LINGO1: variants seen among roughly 807,000 people sequenced by gnomAD.
LINGO1 encodes leucine rich repeat and Ig domain containing 1, also known as leucine-rich repeat and immunoglobulin-like domain-containing nogo receptor-interacting protein 1.
LINGO1 carries 11 observed loss-of-function variants against 37.3 expected under a neutral mutation model. That is an observed-to-expected ratio of 0.29 (90% CI 0.19 to 0.49). The LOEUF is 0.49. Ranked by LOEUF, LINGO1 falls within the 20% of genes least tolerant of loss-of-function variation. The pLI is 0.99. For missense variants in LINGO1, 585 were observed against 878.2 expected (o/e 0.67, Z 4.22); for synonymous variants, 387 against 403.0 (o/e 0.96, Z 0.48).
At chr15:77,703,120 C>T (rs776025162) in intron 2 of LINGO1, among the ~76,000 whole-genome samples, 7 of 152,190 alleles carry the variant, frequency 4.6e-5, no homozygotes, top group African/African-American at 9.7e-5. Context: ...CTCGCAGGCT[C>T]GCAGATAAGC....
intron 1 of LINGO1, chr15:77,696,129 A>G (rs956334621): frequency 2.6e-5 from 4 of 152,298 alleles, no homozygotes; most frequent in African/African-American, 9.6e-5. Flanking sequence ...ATATCTCTGT[A>G]TAATGGGGAA....
At chr15:77,646,595 C>A (rs371953984) in intron 3 of LINGO1, 2 of 338,966 alleles carry the variant, frequency 5.9e-6, no homozygotes, top group Non-Finnish European at 1.2e-5. Flanking sequence ...AGGGGCCAGC[C>A]TCTCTCCTTG....
chr15:77,741,267 G>C (rs975243294), intron 1 of LINGO1, among the ~76,000 whole-genome samples: 2 of 152,206 alleles, frequency 1.3e-5, no homozygotes, highest in African/African-American at 4.8e-5. Flanking sequence ...CTGAGCTCCT[G>C]GGAACACGAG....
At chr15:77,817,939 A>G (rs2077061565) in intron 1 of LINGO1, among the ~76,000 whole-genome samples, 1 of 152,206 alleles carries the variant, frequency 6.6e-6, no homozygotes. Context: ...GAAAGCTGAT[A>G]TTACCATAGA....
chr15:77,692,260 T>C (rs927436501), intron 1 of LINGO1, among the ~76,000 whole-genome samples: 7 of 152,224 alleles, frequency 4.6e-5, no homozygotes, highest in African/African-American at 1.7e-4. Flanking sequence ...ATTACCTCTA[T>C]GGTTTGGATG....
chr15:77,753,638 C>A (rs901859457), intron 1 of LINGO1, among the ~76,000 whole-genome samples: 1 of 152,224 alleles, frequency 6.6e-6, no homozygotes, highest in Admixed American at 6.5e-5. Context: ...CTTGCTCACT[C>A]AGTCTGGTGG....
chr15:77,686,376 A>G (rs1002771644), intron 2 of LINGO1, among the ~76,000 whole-genome samples: 1 of 152,194 alleles, frequency 6.6e-6, no homozygotes, highest in East Asian at 1.9e-4. Flanking sequence ...AGTCATAAAG[A>G]AGCCCCCAGC....
intron 1 of LINGO1, among the ~76,000 whole-genome samples, chr15:77,747,440 C>A (rs2076325226): frequency 6.6e-6 from 1 of 152,198 alleles, no homozygotes; most frequent in South Asian, 2.1e-4. Flanking sequence ...CCAAGCAGGT[C>A]AATCACTCCC....
intron 1 of LINGO1, among the ~76,000 whole-genome samples, chr15:77,817,087 A>G (rs2077054603): frequency 6.6e-6 from 1 of 152,220 alleles, no homozygotes; most frequent in African/African-American, 2.4e-5. Flanking sequence ...CGGGGAAGCC[A>G]GCAAAGGCTG....
At chr15:77,681,930 A>C (rs2075421116) in intron 2 of LINGO1, among the ~76,000 whole-genome samples, 1 of 152,100 alleles carries the variant, frequency 6.6e-6, no homozygotes, top group South Asian at 2.1e-4. Flanking sequence ...CTTCTCACAC[A>C]CGCCCTCGAG....
At chr15:77,673,037 A>G (rs1473165303) in intron 3 of LINGO1, among the ~76,000 whole-genome samples, 1 of 152,230 alleles carries the variant, frequency 6.6e-6, no homozygotes, top group Non-Finnish European at 1.5e-5. Flanking sequence ...CGCTTACCCA[A>G]CAAACAGTGC....
chr15:77,730,788 G>A (rs1332925230), intron 2 of LINGO1, among the ~76,000 whole-genome samples: 1 of 152,260 alleles, frequency 6.6e-6, no homozygotes, highest in Non-Finnish European at 1.5e-5. Context: ...AGGACTTGCA[G>A]GCAGGTTAGA....
intron 2 of LINGO1, among the ~76,000 whole-genome samples, chr15:77,678,711 C>T (rs1292731468): frequency 6.6e-6 from 1 of 152,126 alleles, no homozygotes; most frequent in Non-Finnish European, 1.5e-5. Context: ...GTGTGGTAAG[C>T]CTATTTTTAA....
chr15:77,818,791 G>T (rs1667339144), intron 1 of LINGO1, among the ~76,000 whole-genome samples: 2 of 151,934 alleles, frequency 1.3e-5, no homozygotes, highest in African/African-American at 2.4e-5. Flanking sequence ...GCTCCAGCGC[G>T]GCGCCGCGGG....
intron 3 of LINGO1, among the ~76,000 whole-genome samples, chr15:77,652,531 T>TGTGTGTGTGTGTGTGTGTGTGTGTGTGTG (rs55988808): frequency 1.4e-5 from 2 of 141,440 alleles, no homozygotes; most frequent in African/African-American, 2.9e-5. Context: ...TGTGTGTGTG[T>TGTGTGTGTGTGTGTGTGTGTGTGTGTGTG]TGCCAGAATA....
chr15:77,637,660 T>G (rs563381380), upstream of LINGO1, among the ~76,000 whole-genome samples: 2 of 152,124 alleles, frequency 1.3e-5, no homozygotes, highest in Admixed American at 6.5e-5. This position sits in a 1 kb window ranked among gnomAD's most constrained non-coding sequence, Gnocchi z 4.6. Context: ...CTGACTGTCA[T>G]GGTCACTGGC....
chr15:77,709,616 T>G (rs1210148646), intron 2 of LINGO1, among the ~76,000 whole-genome samples: 2 of 152,230 alleles, frequency 1.3e-5, no homozygotes, highest in African/African-American at 4.8e-5. Flanking sequence ...CCAGCCTTCC[T>G]GCACCCGGCT....
chr15:77,780,516 G>A (rs991763230), intron 1 of LINGO1, among the ~76,000 whole-genome samples: 19 of 151,942 alleles, frequency 1.3e-4, no homozygotes, highest in Middle Eastern at 3.2e-3. Context: ...GAGACCTTGC[G>A]GAACATTAAA....
chr15:77,816,004 A>G (rs922965751), intron 1 of LINGO1, among the ~76,000 whole-genome samples: 7 of 151,756 alleles, frequency 4.6e-5, no homozygotes, highest in Admixed American at 3.3e-4. Flanking sequence ...GAAAGCCCCC[A>G]CTCACGTTCG....
Sources: gnomAD v4.1 joint callset for allele counts (sites outside exome capture counted in the v4.1 genomes callset) on GRCh38, gnomAD v4.1.1 for gene constraint, Gnocchi (gnomAD v3.1) non-coding constraint, MANE v1.5 for transcripts, NCBI Gene and HGNC (gene_info 2026-07-23, HGNC 2026-07-21) for gene names.